Variants in FAT3 observed in about 807,000 individuals in gnomAD.
FAT3 encodes the protein protocadherin Fat 3.
Under a neutral mutation model 310.2 loss-of-function variants are expected in FAT3, and 95 were observed. That is an observed-to-expected ratio of 0.31 (90% CI 0.26 to 0.36). The LOEUF (loss-of-function observed/expected upper bound fraction) is 0.36, where lower values mean the gene tolerates loss of function less well. FAT3 is among the 10% of genes least tolerant of loss of function. FAT3 has a pLI of 1.00. For synonymous variants in FAT3, 2,314 were observed against 2,192.9 expected (o/e 1.06, Z -1.54); for missense variants, 5,408 against 5,715.6 (o/e 0.95, Z 1.74).
intron 4 of FAT3, among the ~76,000 whole-genome samples, chr11:92,700,415 C>T (rs927734783): frequency 5.3e-5 from 8 of 151,998 alleles, no homozygotes; most frequent in Admixed American, 5.2e-4. Flanking sequence ...TAAGTGATGG[C>T]GGGCTGCCCT....
At chr11:92,432,162 C>T (rs1435133948) in intron 2 of FAT3, among the ~76,000 whole-genome samples, 2 of 152,144 alleles carry the variant, frequency 1.3e-5, no homozygotes, top group African/African-American at 2.4e-5. Context: ...TTTGTATCCT[C>T]TTTTATTTCG....
At chr11:92,391,675 G>C (rs560421182) in intron 2 of FAT3, among the ~76,000 whole-genome samples, 10 of 152,286 alleles carry the variant, frequency 6.6e-5, no homozygotes, top group African/African-American at 2.4e-4. Context: ...TTTTCATTCA[G>C]TTAATGACAA....
Position 92,524,656 on chromosome 11 carries a change from T to G in FAT3, c.3315T>G (p.Ile1105Met). 1 of 1,613,484 alleles carries G rather than the reference T, an allele frequency of 6.2e-7. No individual in the cohort carries two copies. The highest frequency in any genetic ancestry group is 8.5e-7 in the Non-Finnish European group (1 of 1,179,482). ...CAGGGGTCATCACTGCCGCAGACAT[T>G]CTTGATCGGGAGACAATGGGGTCAT... ...DESGVITAADILDRETMGSYW... is the reference protein window; with the variant it reads ...DESGVITAADMLDRETMGSYW... Residue 1105 changes from isoleucine to methionine, a missense_variant, in exon 3 of 28, where the codon ATT becomes ATG. Physicochemically the swap from Ile to Met is conservative, Grantham distance 10. This residue lies in a region of FAT3 where 4,588 missense variants were observed against 4,809.8 expected (regional missense o/e 0.95). Coordinates refer to ENST00000525166, the MANE Select transcript of FAT3 (RefSeq NM_001367949.2).
chr11:92,736,162 G>C (rs1945339429), intron 4 of FAT3, among the ~76,000 whole-genome samples: 1 of 152,134 alleles, frequency 6.6e-6, no homozygotes, highest in Non-Finnish European at 1.5e-5. Flanking sequence ...TCAGATCATA[G>C]AGAAGTCTCA....
rs926014846 is a variant in FAT3 at position 92,583,996 on chromosome 11, G to C, written c.3607+59048G>C. Reference sequence around the variant, plus strand: ...TGTGGCAATGCAAAGATTGTCCTTAGATAGAACAGCGCTTGAATTCTTTCC... The same window carrying C: ...TGTGGCAATGCAAAGATTGTCCTTACATAGAACAGCGCTTGAATTCTTTCC... On this transcript the variant is annotated intron_variant, in intron 3 of 27. Coordinates refer to ENST00000525166, the MANE Select transcript of FAT3 (RefSeq NM_001367949.2). 2.6e-5 allele frequency among the ~76,000 whole-genome samples: 4 copies of C among 152,012 alleles called. No individual in the cohort carries two copies. The East Asian group carries it at 7.8e-4, about 29-fold the overall frequency.
chr11:92,279,839 T>C (rs1946377746), intron 1 of FAT3, among the ~76,000 whole-genome samples: 1 of 152,152 alleles, frequency 6.6e-6, no homozygotes, highest in Admixed American at 6.6e-5. Flanking sequence ...AAGGAGGTAC[T>C]TTTTAAAATC....
chr11:92,718,933 A>G (rs1944770819), intron 4 of FAT3, among the ~76,000 whole-genome samples: 1 of 152,164 alleles, frequency 6.6e-6, no homozygotes, highest in African/African-American at 2.4e-5. Flanking sequence ...CTCTAAAGAA[A>G]CGGGTAAGAA....
intron 2 of FAT3, among the ~76,000 whole-genome samples, chr11:92,463,752 T>C (rs1313348979): frequency 6.6e-6 from 1 of 152,174 alleles, no homozygotes; most frequent in Non-Finnish European, 1.5e-5. Flanking sequence ...ACTCATATCT[T>C]ACTGGGGCTT....
At chr11:92,389,041 T>C (rs1289957466) in intron 2 of FAT3, among the ~76,000 whole-genome samples, 1 of 152,196 alleles carries the variant, frequency 6.6e-6, no homozygotes, top group Non-Finnish European at 1.5e-5. Context: ...TGTTCAGCTC[T>C]CCATCCCCTG....
chr11:92,867,861 C>G (rs1055170893), intron 22 of FAT3, among the ~76,000 whole-genome samples: 2 of 150,650 alleles, frequency 1.3e-5, no homozygotes, highest in Non-Finnish European at 3.0e-5. Context: ...GATCTTTACT[C>G]TAATATTTTT....
intron 2 of FAT3, among the ~76,000 whole-genome samples, chr11:92,448,243 A>G (rs751373316): frequency 6.6e-6 from 1 of 152,194 alleles, no homozygotes; most frequent in Non-Finnish European, 1.5e-5. Flanking sequence ...AGCTGTCATA[A>G]TCTACGTATC....
intron 4 of FAT3, among the ~76,000 whole-genome samples, chr11:92,707,675 T>G (rs1340062622): frequency 2.6e-5 from 4 of 152,208 alleles, no homozygotes; most frequent in Non-Finnish European, 5.9e-5. Flanking sequence ...CTCTCTGCCC[T>G]TTACTTCCAT....
At chr11:92,522,857 G>T (rs189619836) in intron 2 of FAT3, among the ~76,000 whole-genome samples, 1 of 152,212 alleles carries the variant, frequency 6.6e-6, no homozygotes, top group Middle Eastern at 3.4e-3. Context: ...CTGCGAATAT[G>T]GTCTTCTCAT....
intron 4 of FAT3, among the ~76,000 whole-genome samples, chr11:92,730,758 A>G (rs774815505): frequency 1.3e-5 from 2 of 152,186 alleles, no homozygotes; most frequent in Non-Finnish European, 2.9e-5. Flanking sequence ...TCCACAATCA[A>G]TCATTATTTC....
intron 1 of FAT3, among the ~76,000 whole-genome samples, chr11:92,270,642 TGC>T (rs1565192093): frequency 1.3e-5 from 2 of 152,088 alleles, no homozygotes; most frequent in African/African-American, 2.4e-5. Flanking sequence ...GCCGAGATCG[TGC>T]CATTGCTCTA....
chr11:92,512,591 T>C (rs1379981710), intron 2 of FAT3, among the ~76,000 whole-genome samples: 1 of 145,954 alleles, frequency 6.9e-6, no homozygotes, highest in Admixed American at 6.8e-5. Context: ...TTTTATATAT[T>C]AAATATGTTT....
intron 2 of FAT3, among the ~76,000 whole-genome samples, chr11:92,442,111 AT>A (rs869097021): frequency 7.3e-3 from 329 of 45,242 alleles, no homozygotes; most frequent in Non-Finnish European, 7.3e-3. Context: ...ATATATATAT[AT>A]TTTTTTTTTT....
intron 2 of FAT3, among the ~76,000 whole-genome samples, chr11:92,450,838 A>G (rs1392985908): frequency 2.0e-5 from 3 of 152,202 alleles, no homozygotes; most frequent in African/African-American, 7.2e-5. Flanking sequence ...TTTAGAAACT[A>G]GGCTTTCAGT....
chr11:92,587,020 G>T (rs1939191185), intron 3 of FAT3, among the ~76,000 whole-genome samples: 1 of 152,112 alleles, frequency 6.6e-6, no homozygotes, highest in Non-Finnish European at 1.5e-5. Context: ...TTTCTTATTA[G>T]TGTATGTTTA....
Sources: gnomAD v4.1 joint callset for allele counts (sites outside exome capture counted in the v4.1 genomes callset) on GRCh38, gnomAD v4.1.1 for gene constraint, gnomAD v4.1.1 regional missense constraint, MANE v1.5 for transcripts, NCBI Gene and HGNC (gene_info 2026-07-23, HGNC 2026-07-21) for gene names.